Variants in ALK observed in about 807,000 individuals in gnomAD.
ALK encodes the protein ALK tyrosine kinase receptor.
In ALK, 74 loss-of-function variants were observed where a neutral mutation model predicts 163.1. The observed-to-expected ratio is 0.45, with a 90% CI of 0.38 to 0.55. The LOEUF is 0.55. ALK is among the 20% of genes least tolerant of loss of function. ALK has a pLI of 0.00. For missense variants in ALK, 2,063 were observed against 2,105.3 expected, an observed-to-expected ratio of 0.98 and a Z score of 0.39; for synonymous variants, 960 against 843.2, an observed-to-expected ratio of 1.14 and a Z score of -2.40.
intron 1 of ALK, among the ~76,000 whole-genome samples, chr2:29,915,278 G>A (rs1667804798): frequency 6.6e-6 from 1 of 152,176 alleles, no homozygotes; most frequent in African/African-American, 2.4e-5. Flanking sequence ...CTGTTGCCCA[G>A]GCTGAAGTGA....
intron 3 of ALK, among the ~76,000 whole-genome samples, chr2:29,684,195 T>C (rs1300406454): frequency 6.6e-6 from 1 of 152,208 alleles, no homozygotes; most frequent in African/African-American, 2.4e-5. Context: ...TTATCTGTAT[T>C]ATTTGATATA....
chr2:29,335,903 G>T (rs1404944706), intron 5 of ALK, among the ~76,000 whole-genome samples: 2 of 152,040 alleles, frequency 1.3e-5, no homozygotes, highest in Admixed American at 6.6e-5. Context: ...AGCTGGGCGT[G>T]GTCATGGACA....
chr2:29,468,927 A>G (rs67781156), intron 4 of ALK, among the ~76,000 whole-genome samples: 27,142 of 149,914 alleles, frequency 0.18, 2,659 homozygotes, highest in East Asian at 0.36. Context: ...CCAATAACCC[A>G]TTTATGCCTG....
intron 3 of ALK, among the ~76,000 whole-genome samples, chr2:29,587,900 T>C (rs1674933651): frequency 6.6e-6 from 1 of 151,998 alleles, no homozygotes; most frequent in African/African-American, 2.4e-5. Context: ...GTGGGTAGAG[T>C]AGAGCTCTGT....
At chr2:29,461,298 A>T (rs1671078262) in intron 4 of ALK, among the ~76,000 whole-genome samples, 1 of 152,244 alleles carries the variant, frequency 6.6e-6, no homozygotes, top group Admixed American at 6.5e-5. Flanking sequence ...GATCTAGGTA[A>T]GATCACTGAT....
At position 29,408,666 on chromosome 2, in the gene ALK, C is replaced by T. The variant is rs569850961; in HGVS notation, c.1155-24807G>A. 4.6e-5 allele frequency among the ~76,000 whole-genome samples: 7 copies of T among 152,332 alleles called. No individual in the cohort carries two copies. The South Asian group carries it at 6.2e-4, about 14-fold the overall frequency. On this transcript the variant is annotated intron_variant, in intron 4 of 28. Coordinates refer to ENST00000389048, the MANE Select transcript of ALK (RefSeq NM_004304.5). ...GAAATACTATCTAATCCATGATATG[C>T]GCTGATGATCTTGATCAAACTATTT...
chr2:29,352,903 G>A (rs1196425695), intron 5 of ALK, among the ~76,000 whole-genome samples: 3 of 152,230 alleles, frequency 2.0e-5, no homozygotes, highest in Non-Finnish European at 4.4e-5. Flanking sequence ...AGCTGTCATT[G>A]TTCATTCCTG....
chr2:29,532,230 T>G (rs1308155850), intron 3 of ALK, 114 bp from the exon 4 acceptor site: 1 of 969,782 alleles, frequency 1.0e-6, no homozygotes, highest in East Asian at 2.6e-5. Context: ...TGGAGGCCAT[T>G]ATCTCCTTCT....
chr2:29,421,060 C>G (rs1339706273), intron 4 of ALK, among the ~76,000 whole-genome samples: 1 of 151,480 alleles, frequency 6.6e-6, no homozygotes, highest in Non-Finnish European at 1.5e-5. Context: ...CCCAGGGCAG[C>G]TGTGGCGAAA....
chr2:29,423,805 C>T (rs1319854021), intron 4 of ALK, among the ~76,000 whole-genome samples: 1 of 152,188 alleles, frequency 6.6e-6, no homozygotes, highest in East Asian at 1.9e-4. Flanking sequence ...CACATAAACA[C>T]ATTCTCATAT....
At chr2:29,678,685 T>C (rs1311227147) in intron 3 of ALK, among the ~76,000 whole-genome samples, 1 of 151,346 alleles carries the variant, frequency 6.6e-6, no homozygotes, top group Non-Finnish European at 1.5e-5. Context: ...TGCATAATTT[T>C]AATTTTAATT....
At chr2:29,585,645 A>C (rs924020625) in intron 3 of ALK, among the ~76,000 whole-genome samples, 12 of 152,294 alleles carry the variant, frequency 7.9e-5, no homozygotes, top group African/African-American at 2.6e-4. Context: ...TGTTTTTACA[A>C]AATTAAAATA....
intron 1 of ALK, among the ~76,000 whole-genome samples, chr2:29,755,050 T>C (rs1039239169): frequency 1.5e-4 from 21 of 143,508 alleles, no homozygotes; most frequent in African/African-American, 4.4e-4. Context: ...AAGGAATGCT[T>C]ATAAAGTTTT....
At chr2:29,600,402 G>A (rs1172446740) in intron 3 of ALK, among the ~76,000 whole-genome samples, 2 of 152,228 alleles carry the variant, frequency 1.3e-5, no homozygotes, top group Non-Finnish European at 2.9e-5. Flanking sequence ...ATTATGGAAT[G>A]AGAGGAGGTG....
chr2:29,330,893 C>T (rs190153522), intron 5 of ALK, among the ~76,000 whole-genome samples: 43 of 152,302 alleles, frequency 2.8e-4, no homozygotes, highest in African/African-American at 1.0e-3. Flanking sequence ...ACCTGGCCTG[C>T]CTGACATGAC....
intron 3 of ALK, among the ~76,000 whole-genome samples, chr2:29,649,204 G>T (rs922037076): frequency 1.4e-5 from 2 of 144,064 alleles, no homozygotes; most frequent in Non-Finnish European, 3.0e-5. Context: ...GTGTGAGAGA[G>T]AGTGTGTGTA....
chr2:29,396,013 T>C (rs1314307458), intron 4 of ALK, among the ~76,000 whole-genome samples: 1 of 122,362 alleles, frequency 8.2e-6, no homozygotes, highest in African/African-American at 2.7e-5. Flanking sequence ...TTTCTCTCGT[T>C]AACCTGTTTT....
At chr2:29,799,559 C>G (rs1380850761) in intron 1 of ALK, among the ~76,000 whole-genome samples, 1 of 152,038 alleles carries the variant, frequency 6.6e-6, no homozygotes, top group Admixed American at 6.6e-5. Flanking sequence ...GTGGCACACA[C>G]CTATAGTCCT....
At chr2:29,235,020 G>C (rs1664330144) in intron 13 of ALK, among the ~76,000 whole-genome samples, 1 of 152,210 alleles carries the variant, frequency 6.6e-6, no homozygotes, top group Admixed American at 6.5e-5. Flanking sequence ...GCCAGCTGCT[G>C]TTCTAATTTA....
Sources: allele counts gnomAD v4.1 joint callset (sites outside exome capture counted in the v4.1 genomes callset), GRCh38; gene constraint gnomAD v4.1.1; transcripts MANE v1.5; gene names NCBI Gene and HGNC (gene_info 2026-07-23, HGNC 2026-07-21).